CDKL3: variants seen among roughly 807,000 people sequenced by gnomAD.
CDKL3 encodes cyclin-dependent kinase-like 3.
Under a neutral mutation model 69.3 loss-of-function variants are expected in CDKL3, and 65 were observed. That is an observed-to-expected ratio of 0.94 (90% CI 0.77 to 1.15). CDKL3 has a LOEUF of 1.15. CDKL3 is among the 50% of genes most tolerant of loss of function. The pLI, the probability that CDKL3 is intolerant of heterozygous loss-of-function variation, is 0.00. For missense variants in CDKL3, 652 were observed against 689.2 expected (o/e 0.95, Z 0.61); for synonymous variants, 202 against 221.6 (o/e 0.91, Z 0.79).
intron 11 of CDKL3, among the ~76,000 whole-genome samples, chr5:134,303,215 C>T (rs1766801749): frequency 6.6e-6 from 1 of 151,978 alleles, no homozygotes; most frequent in African/African-American, 2.4e-5. Context: ...CCTCAGCCTC[C>T]CAAGTAGCCG....
intron 8 of CDKL3, among the ~76,000 whole-genome samples, chr5:134,288,762 T>C (rs1175353540): frequency 6.6e-6 from 1 of 152,016 alleles, no homozygotes; most frequent in African/African-American, 2.4e-5. Context: ...CCTCACAATA[T>C]CTCTAGGATA....
At chr5:134,368,087 C>G (rs933606774), upstream of CDKL3, among the ~76,000 whole-genome samples, 2 of 152,220 alleles carry the variant, frequency 1.3e-5, no homozygotes, top group Non-Finnish European at 2.9e-5. Flanking sequence ...TCTGGTGGGT[C>G]CCACCCAGCA....
chr5:134,289,395 A>C (rs1222384829), intron 8 of CDKL3, among the ~76,000 whole-genome samples: 1 of 152,188 alleles, frequency 6.6e-6, no homozygotes, highest in Non-Finnish European at 1.5e-5. Context: ...ATGAGGCATC[A>C]GATGCTTTTA....
intron 4 of CDKL3, among the ~76,000 whole-genome samples, chr5:134,342,977 G>GGC (rs1161454164): frequency 2.0e-5 from 3 of 152,172 alleles, no homozygotes; most frequent in African/African-American, 7.2e-5. Context: ...GTCCAAGGCA[G>GGC]GCAGATTGCT....
chr5:134,287,094 C>T (rs573220689), intron 8 of CDKL3, among the ~76,000 whole-genome samples: 3 of 152,102 alleles, frequency 2.0e-5, no homozygotes, highest in Non-Finnish European at 2.9e-5. Context: ...GAAAAATTAT[C>T]AGTAGAACAG....
At chr5:134,330,707 C>T (rs1363181545) in intron 4 of CDKL3, among the ~76,000 whole-genome samples, 1 of 149,918 alleles carries the variant, frequency 6.7e-6, no homozygotes, top group Non-Finnish European at 1.5e-5. Context: ...AGAGCCAGAC[C>T]CTGTCTGAAA....
At chr5:134,325,607 C>G (rs1231129605) in intron 4 of CDKL3, among the ~76,000 whole-genome samples, 2 of 151,996 alleles carry the variant, frequency 1.3e-5, no homozygotes, top group Non-Finnish European at 2.9e-5. Context: ...TCCACTTACA[C>G]TGGTATTTAC....
chr5:134,306,750 CTTTTT>C (rs11414446), intron 9 of CDKL3, 48 bp from the exon 10 acceptor site: 152 of 227,506 alleles, frequency 6.7e-4, no homozygotes, highest in Admixed American at 1.4e-3. Context: ...CCCAGAAATG[CTTTTT>C]TTTTTTTTTT....
At chr5:134,367,204 G>A (rs1412624114), upstream of CDKL3, 14 of 985,686 alleles carry the variant, frequency 1.4e-5, no homozygotes, top group Admixed American at 6.1e-5. Context: ...CATGGGCAGG[G>A]TCCCGACCCG....
At chr5:134,285,498 C>G (rs554881752), downstream of CDKL3, among the ~76,000 whole-genome samples, 1 of 152,324 alleles carries the variant, frequency 6.6e-6, no homozygotes, top group Admixed American at 6.5e-5. Flanking sequence ...GCAGCTGGGA[C>G]ACAGGGCACC....
chr5:134,337,674 CTTGTTTCTACA>C (rs1777448367), intron 4 of CDKL3, among the ~76,000 whole-genome samples: 1 of 152,108 alleles, frequency 6.6e-6, no homozygotes. Flanking sequence ...ACTGCAAGAC[CTTGTTTCTACA>C]TTAACATTTT....
intron 12 of CDKL3, among the ~76,000 whole-genome samples, chr5:134,299,931 T>C (rs771039929): frequency 6.6e-6 from 1 of 152,338 alleles, no homozygotes; most frequent in South Asian, 2.1e-4. Flanking sequence ...GTGGCCTTTG[T>C]ATGGACTCTT....
In CDKL3 at chr5:134,350,429, T is replaced by G; in HGVS notation, c.361-2A>C. On this transcript the variant is annotated splice_acceptor_variant, in intron 3 of 12. Transcript: ENST00000265334. LOFTEE classifies it high-confidence loss of function. ...AGGTTTTATATCTCGATGAATGATC[T>G]AAAAAACAAACAGAATACAAAATAC... 6.6e-7 allele frequency: 1 copy of G among 1,521,084 alleles called. No homozygotes were observed. The highest frequency in any genetic ancestry group is 8.9e-7 in the Non-Finnish European group (1 of 1,121,472). 94.2% of individuals were successfully genotyped at this position (1,521,084 alleles called of 1,614,324 possible).
In CDKL3 at chr5:134,308,326, A is replaced by C. The variant is rs761503573; in HGVS notation, c.1176T>G (p.His392Gln). 6.2e-7 allele frequency: 1 copy of C among 1,613,948 alleles called. No homozygotes were observed. Among genetic ancestry groups the C allele is most frequent in the Non-Finnish European group, 8.5e-7 (1 of 1,179,858 alleles). Residue 392 changes from histidine to glutamine, a missense_variant, in exon 9 of 13, where the codon CAT becomes CAG. Coordinates refer to ENST00000265334, the MANE Select transcript of CDKL3 (RefSeq NM_001113575.2). ...LGQQDANENV[H>Q]PMSPDTKLVT... is the part of the protein sequence containing the mutation. ...CAAGTTTTGTATCTGGAGACATAGG[A>C]TGAACATTTTCATTTGCATCCTGTT...
chr5:134,308,100 T>A, intron 9 of CDKL3, 38 bp downstream of exon 9: 1 of 1,556,996 alleles, frequency 6.4e-7, no homozygotes, highest in Non-Finnish European at 8.7e-7. Context: ...TATACAGGAA[T>A]GTTGTATTAT....
At chr5:134,303,859 A>G (rs1376301378) in intron 11 of CDKL3, among the ~76,000 whole-genome samples, 1 of 151,980 alleles carries the variant, frequency 6.6e-6, no homozygotes, top group African/African-American at 2.4e-5. Context: ...AAATAAATAA[A>G]TAAATAAATA....
At chr5:134,357,976 G>C (rs890791279) in intron 3 of CDKL3, among the ~76,000 whole-genome samples, 2 of 152,228 alleles carry the variant, frequency 1.3e-5, no homozygotes, top group African/African-American at 4.8e-5. Context: ...CAACTTGGGA[G>C]GCTGAGGCAG....
At chr5:134,301,315 TACA>T (rs1281697188) in intron 12 of CDKL3, among the ~76,000 whole-genome samples, 1 of 152,162 alleles carries the variant, frequency 6.6e-6, no homozygotes, top group Non-Finnish European at 1.5e-5. Flanking sequence ...ATTCTTGTTC[TACA>T]ACATTTCTTC....
chr5:134,308,652 A>C lies in CDKL3; in HGVS notation c.957T>G (p.Ser319=). The C allele has an allele frequency of 6.2e-7, 1 of 1,610,074 alleles. No homozygotes were observed. The highest frequency in any genetic ancestry group is 8.5e-7 in the Non-Finnish European group (1 of 1,178,608). The part of the protein sequence containing the change: ...VNSLIKPKES[S]KENELRKDER... ...CATCTTTCCTGAGTTCATTTTCTTT[A>C]GAACTCTCTTTTGGCTTTATTAATG... Residue 319 remains serine, a synonymous_variant, in exon 8 of 13, where the codon TCT becomes TCG. Transcript: ENST00000265334.
Sources: allele counts gnomAD v4.1 joint callset (sites outside exome capture counted in the v4.1 genomes callset), GRCh38; gene constraint gnomAD v4.1.1; transcripts MANE v1.5; gene names NCBI Gene and HGNC (gene_info 2026-07-23, HGNC 2026-07-21).